MIDEAS: variants seen among roughly 807,000 people sequenced by gnomAD.
The protein encoded by MIDEAS is mitotic deacetylase associated SANT domain protein.
A neutral mutation model predicts 102.7 loss-of-function variants in MIDEAS; 26 were observed. The ratio of observed to expected loss-of-function variants is 0.25; its 90% CI spans 0.19 to 0.35. The LOEUF (loss-of-function observed/expected upper bound fraction) is 0.35, where lower values mean the gene tolerates loss of function less well. Among genes scored for constraint, MIDEAS ranks in the 10% least tolerant of loss-of-function variants. MIDEAS has a pLI of 1.00. For synonymous variants in MIDEAS, 585 were observed against 591.0 expected (o/e 0.99, Z 0.15); for missense variants, 1,231 against 1,435.6 (o/e 0.86, Z 2.30).
At chr14:73,765,773 A>C (rs964834394) in intron 1 of MIDEAS, among the ~76,000 whole-genome samples, 14 of 152,176 alleles carry the variant, frequency 9.2e-5, no homozygotes, top group African/African-American at 3.4e-4. Flanking sequence ...CTCCCACCAG[A>C]CTTGACCTTA....
upstream of MIDEAS, chr14:73,789,175 G>A (rs2053845962): frequency 6.6e-6 from 1 of 151,896 alleles, no homozygotes; most frequent in Non-Finnish European, 1.5e-5. Context: ...CATTGACTGA[G>A]TTCTGACAAA....
At chr14:73,760,423 G>T (rs866744008), upstream of MIDEAS, 1 of 152,266 alleles carries the variant, frequency 6.6e-6, no homozygotes, top group African/African-American at 2.4e-5. This position sits in a 1 kb window ranked among gnomAD's most constrained non-coding sequence, Gnocchi z 4.8. Context: ...ATTTCCAGCA[G>T]ACCTCACCTC....
intron 2 of MIDEAS, among the ~76,000 whole-genome samples, chr14:73,737,833 G>A (rs1356827668): frequency 3.6e-5 from 5 of 137,706 alleles, no homozygotes; most frequent in Non-Finnish European, 6.1e-5. Context: ...CCAGGTTGTA[G>A]TGCAGTGGCA....
chr14:73,777,472 C>T (rs972676781), intron 1 of MIDEAS, among the ~76,000 whole-genome samples: 8 of 151,892 alleles, frequency 5.3e-5, no homozygotes, highest in African/African-American at 1.9e-4. Context: ...CTTCTACCTG[C>T]ACACGGGCTC....
intron 1 of MIDEAS, among the ~76,000 whole-genome samples, chr14:73,755,873 G>C (rs1291146854): frequency 6.6e-6 from 1 of 152,188 alleles, no homozygotes; most frequent in African/African-American, 2.4e-5. Context: ...GTGGGAACTG[G>C]TGAAATGAGA....
At chr14:73,766,625 T>C (rs947178438) in intron 1 of MIDEAS, among the ~76,000 whole-genome samples, 4 of 149,728 alleles carry the variant, frequency 2.7e-5, no homozygotes, top group East Asian at 2.0e-4. Context: ...TCTCGGCTCA[T>C]TGCAAGCTCC....
intron 1 of MIDEAS, among the ~76,000 whole-genome samples, chr14:73,777,722 C>A (rs1177071453): frequency 6.6e-6 from 1 of 152,004 alleles, no homozygotes; most frequent in Non-Finnish European, 1.5e-5. Flanking sequence ...GTTAATTCCA[C>A]AGCACTCACC....
chr14:73,778,211 C>T (rs1418382771), intron 1 of MIDEAS, among the ~76,000 whole-genome samples: 3 of 151,796 alleles, frequency 2.0e-5, no homozygotes, highest in Admixed American at 6.6e-5. Flanking sequence ...AAAAATTAGC[C>T]GGGTGCGGCA....
chr14:73,779,104 AGCCGG>A (rs1381597227), intron 1 of MIDEAS, among the ~76,000 whole-genome samples: 3 of 151,832 alleles, frequency 2.0e-5, no homozygotes, highest in African/African-American at 7.3e-5. Flanking sequence ...AAGAAGAAAT[AGCCGG>A]GCATGGTTGG....
intron 4 of MIDEAS, chr14:73,729,273 C>A (rs1322126781): frequency 5.3e-6 from 1 of 188,352 alleles, no homozygotes; most frequent in Non-Finnish European, 1.1e-5. Flanking sequence ...TTAGGTTGAA[C>A]CAAAGGAAAC....
intron 2 of MIDEAS, among the ~76,000 whole-genome samples, chr14:73,738,103 AG>A (rs1566591351): frequency 6.6e-6 from 1 of 152,122 alleles, no homozygotes; most frequent in African/African-American, 2.4e-5. Context: ...TCTCTTCTAT[AG>A]AAAGTGCTTC....
chr14:73,731,251 A>G (rs2053135820), intron 3 of MIDEAS, among the ~76,000 whole-genome samples: 1 of 152,222 alleles, frequency 6.6e-6, no homozygotes, highest in South Asian at 2.1e-4. Flanking sequence ...TACTCAGTAC[A>G]ACAGGTAAGG....
At position 73,729,866 on chromosome 14, in the gene MIDEAS, G is replaced by C. The variant is rs775278057; in HGVS notation, c.1869C>G (p.Val623=). 1.2e-6 allele frequency: 2 copies of C among 1,613,902 alleles called. No individual in the cohort carries two copies. The highest frequency in any genetic ancestry group is 1.1e-5 in the South Asian group (1 of 91,086). Residue 623 remains valine, a synonymous_variant, in exon 4 of 13, where the codon GTC becomes GTG. Transcript: ENST00000423556. ...TKAGTFIAPP[V]YSNITPYQSH... ...TCTGGTATGGGGTGATGTTGGAGTA[G>C]ACGGGAGGGGCGATGAAAGTGCCCG...
intron 3 of MIDEAS, among the ~76,000 whole-genome samples, chr14:73,732,785 CAAAAAAAAAA>C (rs57681928): frequency 4.3e-5 from 2 of 46,070 alleles, no homozygotes; most frequent in East Asian, 6.8e-4. Context: ...GACTCCCTCT[CAAAAAAAAAA>C]AAAAAAAAAA....
intron 1 of MIDEAS, among the ~76,000 whole-genome samples, chr14:73,747,770 G>A (rs572428972): frequency 6.6e-6 from 1 of 152,244 alleles, no homozygotes; most frequent in South Asian, 2.1e-4. Flanking sequence ...ATGCACTGGA[G>A]CAGGGGAAGG....
upstream of MIDEAS, among the ~76,000 whole-genome samples, chr14:73,763,921 G>A (rs923875798): frequency 6.6e-6 from 1 of 152,132 alleles, no homozygotes; most frequent in Non-Finnish European, 1.5e-5. Flanking sequence ...GGGCTTGAGA[G>A]GATCAAAAGG....
chr14:73,723,792 T>C (rs1419278926), intron 9 of MIDEAS: 1 of 152,248 alleles, frequency 6.6e-6, no homozygotes, highest in African/African-American at 2.4e-5. Context: ...CTGGGCACCA[T>C]CTACATCCAA....
chr14:73,739,265 C>T lies in MIDEAS; in HGVS notation c.744G>A (p.Gln248=). 1 of 1,612,340 alleles carries T rather than the reference C, an allele frequency of 6.2e-7. No individual in the cohort carries two copies. The highest frequency in any genetic ancestry group is 8.5e-7 in the Non-Finnish European group (1 of 1,179,920). ...GCTGCTGTGGTTGCTGCTGCTGCTG[C>T]TGCTTCTGTGGAGGGAAGGCAGCCA... ...NPVAAFPPQK[Q]QQQQQPQQQQ... is the part of the protein sequence containing the mutation. The change falls in exon 2 of 13, where the codon CAG becomes CAA. Residue 248 remains glutamine, a synonymous_variant. Transcript: ENST00000423556.
chr14:73,775,565 C>T (rs558637367), intron 1 of MIDEAS, among the ~76,000 whole-genome samples: 1 of 152,190 alleles, frequency 6.6e-6, no homozygotes, highest in East Asian at 1.9e-4. Flanking sequence ...GGAATCGCTT[C>T]CAGTCCAGAG....
Sources: allele counts gnomAD v4.1 joint callset (sites outside exome capture counted in the v4.1 genomes callset), GRCh38; gene constraint gnomAD v4.1.1; non-coding constraint Gnocchi (gnomAD v3.1); transcripts MANE v1.5; gene names NCBI Gene and HGNC (gene_info 2026-07-23, HGNC 2026-07-21).